Variants in UBE4B observed in about 807,000 individuals in gnomAD.
UBE4B encodes the protein ubiquitination factor E4B, also known as ubiquitin conjugation factor E4 B.
In UBE4B, 27 loss-of-function variants were observed where a neutral mutation model predicts 148.1. The observed-to-expected ratio is 0.18, with a 90% CI of 0.13 to 0.25. UBE4B has a LOEUF of 0.25. Ranked by LOEUF, UBE4B falls within the 10% of genes least tolerant of loss-of-function variation. The pLI, the probability that UBE4B is intolerant of heterozygous loss-of-function variation, is 1.00. For synonymous variants in UBE4B, 596 were observed against 619.3 expected (o/e 0.96, Z 0.56); for missense variants, 1,170 against 1,662.4 (o/e 0.70, Z 5.15).
In UBE4B at chr1:10,142,603, G is replaced by A. The variant is rs146664538; in HGVS notation, c.2364-2337G>A. Among the ~76,000 whole-genome samples, 483 of 152,158 alleles carry A rather than the reference G, an allele frequency of 3.2e-3. 1 individual carries two copies. The highest frequency in any genetic ancestry group is 0.011 in the African/African-American group (451 of 41,506). ...GGAGAATCGCTTGAACACGGGAGACGGAGGTTGCAGTGAGCTGAGATTGCG... is the reference window on the plus strand; with the variant it reads ...GGAGAATCGCTTGAACACGGGAGACAGAGGTTGCAGTGAGCTGAGATTGCG... On this transcript the variant is annotated intron_variant, in intron 17 of 27. Transcript: ENST00000343090.
chr1:10,179,188 T>C, intron 26 of UBE4B: 1 of 569,534 alleles, frequency 1.8e-6, no homozygotes, highest in East Asian at 3.0e-5. Context: ...GGCTTTCTTC[T>C]CTGTTCCCTC....
At chr1:10,111,103 C>T in intron 7 of UBE4B, among the ~76,000 whole-genome samples, 1 of 143,122 alleles carries the variant, frequency 7.0e-6, no homozygotes, top group African/African-American at 2.7e-5. Flanking sequence ...AGTCTTTCCA[C>T]CATATCTATC....
At chr1:10,149,357 CA>C in intron 20 of UBE4B, 75 bp downstream of exon 20, 1 of 1,220,002 alleles carries the variant, frequency 8.2e-7, no homozygotes, top group South Asian at 1.6e-5. Flanking sequence ...AGCTATGTTG[CA>C]AACCTCCATT....
chr1:10,175,570 G>A lies in UBE4B; in HGVS notation c.3526-3074G>A, dbSNP rs536839719. Among the ~76,000 whole-genome samples, 3 of 152,200 alleles carry A rather than the reference G, an allele frequency of 2.0e-5. No homozygotes were observed. In the South Asian group the frequency reaches 6.2e-4, roughly 32 times the overall value. On this transcript the variant is annotated intron_variant, in intron 25 of 27. Coordinates refer to ENST00000343090, the MANE Select transcript of UBE4B (RefSeq NM_001105562.3). ...GGAGGCTGAGGCAGGAGAATGGCGT[G>A]AACCTGGGAGGTGGAGCTTGCAGTG...
intron 1 of UBE4B, among the ~76,000 whole-genome samples, chr1:10,036,930 C>T (rs954456144): frequency 5.3e-5 from 8 of 152,002 alleles, no homozygotes; most frequent in Non-Finnish European, 7.4e-5. Context: ...TTATACAGTC[C>T]GTGAAAAAGG....
intron 24 of UBE4B, among the ~76,000 whole-genome samples, chr1:10,169,431 C>T (rs1646305185): frequency 6.6e-6 from 1 of 152,204 alleles, no homozygotes; most frequent in Admixed American, 6.5e-5. Context: ...CTCTTTTCCA[C>T]TCTTTTAACT....
chr1:10,115,687 C>T (rs1023219032), intron 7 of UBE4B, among the ~76,000 whole-genome samples: 11 of 152,118 alleles, frequency 7.2e-5, no homozygotes, highest in African/African-American at 2.2e-4. Flanking sequence ...AGAAATGGAT[C>T]GTTAGGCAGA....
chr1:10,070,953 C>T (rs1036308737), intron 1 of UBE4B, among the ~76,000 whole-genome samples: 1 of 151,950 alleles, frequency 6.6e-6, no homozygotes, highest in Non-Finnish European at 1.5e-5. Flanking sequence ...CCTCTGTTGC[C>T]CAGGCTAGAG....
At chr1:10,056,392 G>A (rs191783638) in intron 1 of UBE4B, among the ~76,000 whole-genome samples, 1 of 152,298 alleles carries the variant, frequency 6.6e-6, no homozygotes, top group African/African-American at 2.4e-5. Flanking sequence ...TATTTACTGT[G>A]TGTCAAGTAA....
chr1:10,174,366 CTGGG>C (rs1271853716), intron 25 of UBE4B, among the ~76,000 whole-genome samples: 1 of 144,766 alleles, frequency 6.9e-6, no homozygotes, highest in African/African-American at 2.6e-5. Context: ...GCATTCCAGC[CTGGG>C]TGACAGAGCA....
Position 10,178,653 on chromosome 1 carries a change from A to G in UBE4B, c.3535A>G (p.Ser1179Gly), listed in dbSNP as rs1237918283. ...CATTCCTCCTTTGCAGAGATCCTAC[A>G]GTAAGGAATTGTTTGAAGAAGTTAT... ...KAIADDQRSY[S>G]KELFEEVISK... The change falls in exon 26 of 28, where the codon AGT becomes GGT. Residue 1179 changes from serine (S) to glycine (G), a missense_variant. By Grantham distance (56) the Ser-to-Gly change is moderately conservative (BLOSUM62 0). Coordinates refer to ENST00000343090, the MANE Select transcript of UBE4B (RefSeq NM_001105562.3). The G allele has an allele frequency of 3.1e-6, 5 of 1,609,324 alleles. No homozygotes were observed. The highest frequency in any genetic ancestry group is 3.4e-6 in the Non-Finnish European group (4 of 1,178,310).
rs1186797648 is a variant in UBE4B at position 10,179,250 on chromosome 1, A to G, written c.3701-166A>G. ...GCCTTCCCCTTACAAAAGGCAATGT[A>G]TATGCCTTTATTGAAGGCTGATTTC... On this transcript the variant is annotated intron_variant, in intron 26 of 27. Transcript: ENST00000343090. 6.4e-6 allele frequency: 5 copies of G among 786,298 alleles called. 1 individual carries two copies. The highest frequency in any genetic ancestry group is 3.7e-5 in the South Asian group (2 of 54,160). The allele number at this position is 786,298 out of a possible 1,614,324, so 48.7% of individuals were successfully genotyped here. A position where few individuals can be genotyped will look rare whatever the true frequency, so the allele number is the denominator to read the frequency against.
intron 10 of UBE4B, among the ~76,000 whole-genome samples, chr1:10,124,599 A>G (rs796324690): frequency 5.3e-5 from 8 of 152,310 alleles, no homozygotes; most frequent in African/African-American, 1.7e-4. Flanking sequence ...GAGAGGAATG[A>G]TAACTGGGAT....
intron 3 of UBE4B, among the ~76,000 whole-genome samples, chr1:10,098,929 A>T (rs1189104021): frequency 6.6e-6 from 1 of 152,138 alleles, no homozygotes; most frequent in Non-Finnish European, 1.5e-5. Context: ...CAACAGTAAT[A>T]ATTTGCAGAT....
chr1:10,037,835 C>T (rs1202914655), intron 1 of UBE4B, among the ~76,000 whole-genome samples: 3 of 152,070 alleles, frequency 2.0e-5, no homozygotes, highest in African/African-American at 7.2e-5. Flanking sequence ...AGATTACAGG[C>T]ATGAGCCACC....
intron 7 of UBE4B, among the ~76,000 whole-genome samples, chr1:10,114,640 G>A (rs537140162): frequency 6.6e-6 from 1 of 152,256 alleles, no homozygotes; most frequent in African/African-American, 2.4e-5. Flanking sequence ...GAGGCAGATG[G>A]ATCATTTGAG....
At chr1:10,141,585 C>T (rs1645783103) in intron 17 of UBE4B, among the ~76,000 whole-genome samples, 1 of 152,192 alleles carries the variant, frequency 6.6e-6, no homozygotes, top group African/African-American at 2.4e-5. Context: ...TAGCATAACA[C>T]ATTAGCAAAT....
rs901461942 is a variant in UBE4B, at chr1:10,180,041, A to C, written c.*85A>C. On this transcript the variant is annotated 3_prime_UTR_variant, in exon 28 of 28. Transcript: ENST00000343090. ...AGCGGCCGCAGCGAAGCTGCCGTTC[A>C]TGTGTTGGAGGCCAAATGTGGCAAA... The C allele has an allele frequency of 2.5e-6, 4 of 1,583,662 alleles. No homozygotes were observed. Among genetic ancestry groups the C allele is most frequent in the Non-Finnish European group, 3.5e-6 (4 of 1,159,066 alleles).
intron 17 of UBE4B, among the ~76,000 whole-genome samples, chr1:10,143,642 C>A (rs546782472): frequency 2.0e-5 from 3 of 152,192 alleles, no homozygotes; most frequent in Non-Finnish European, 4.4e-5. Flanking sequence ...TCGAAGGATT[C>A]GGATGCGACA....
Sources: gnomAD v4.1 joint callset for allele counts (sites outside exome capture counted in the v4.1 genomes callset) on GRCh38, gnomAD v4.1.1 for gene constraint, MANE v1.5 for transcripts, NCBI Gene and HGNC (gene_info 2026-07-23, HGNC 2026-07-21) for gene names.